The following SGCZ variants were observed in gnomAD, a reference collection of about 807,000 sequenced individuals.
SGCZ encodes sarcoglycan zeta.
In SGCZ, 40 loss-of-function variants were observed where a neutral mutation model predicts 41.3. The ratio of observed to expected loss-of-function variants is 0.97; its 90% CI spans 0.75 to 1.26. The LOEUF is 1.26. Ranked by LOEUF, SGCZ falls within the 50% of genes most tolerant of loss-of-function variation. The pLI is 0.00. For missense variants in SGCZ, 552 were observed against 369.8 expected (o/e 1.49, Z -4.04); for synonymous variants, 206 against 137.5 (o/e 1.50, Z -3.49).
intron 1 of SGCZ, among the ~76,000 whole-genome samples, chr8:14,819,866 C>T (rs942132604): frequency 9.2e-5 from 14 of 151,848 alleles, no homozygotes; most frequent in African/African-American, 3.4e-4. Flanking sequence ...AAAGCAGATA[C>T]ACAAATAATA....
chr8:14,297,748 T>C (rs1437770954), intron 3 of SGCZ, among the ~76,000 whole-genome samples: 1 of 152,016 alleles, frequency 6.6e-6, no homozygotes, highest in Non-Finnish European at 1.5e-5. Context: ...AACGGCTATA[T>C]CTGGGAAGAA....
At chr8:14,095,580 A>G (rs1289209564) in intron 7 of SGCZ, among the ~76,000 whole-genome samples, 2 of 152,184 alleles carry the variant, frequency 1.3e-5, no homozygotes, top group Non-Finnish European at 2.9e-5. Flanking sequence ...TGTCTTGGCT[A>G]TGCAGGCTCT....
At chr8:14,461,753 T>C (rs1244029136) in intron 2 of SGCZ, among the ~76,000 whole-genome samples, 2 of 152,106 alleles carry the variant, frequency 1.3e-5, no homozygotes, top group Admixed American at 1.3e-4. Flanking sequence ...AAAATTGCTT[T>C]TTAGGCCATT....
intron 5 of SGCZ, among the ~76,000 whole-genome samples, chr8:14,143,990 C>A (rs565912158): frequency 1.7e-4 from 26 of 152,242 alleles, no homozygotes; most frequent in Admixed American, 6.5e-4. Flanking sequence ...CCCAGTGACC[C>A]AAACTTCACC....
intron 2 of SGCZ, among the ~76,000 whole-genome samples, chr8:14,541,175 A>C (rs183035740): frequency 6.6e-6 from 1 of 152,078 alleles, no homozygotes; most frequent in African/African-American, 2.4e-5. Context: ...GGATACAGGT[A>C]CTGAATGTGT....
At chr8:15,233,084 A>G (rs995122434) in intron 1 of SGCZ, among the ~76,000 whole-genome samples, 1 of 151,928 alleles carries the variant, frequency 6.6e-6, no homozygotes, top group African/African-American at 2.4e-5. Flanking sequence ...GAAAGAAGTT[A>G]TGATTCCTTT....
At chr8:15,224,870 C>A (rs1031036353) in intron 1 of SGCZ, among the ~76,000 whole-genome samples, 2 of 152,122 alleles carry the variant, frequency 1.3e-5, no homozygotes, top group Non-Finnish European at 2.9e-5. Context: ...TGAAGAAAGT[C>A]ATCACCTATA....
At chr8:14,839,509 T>C (rs1802826679) in intron 1 of SGCZ, among the ~76,000 whole-genome samples, 1 of 152,218 alleles carries the variant, frequency 6.6e-6, no homozygotes, top group Non-Finnish European at 1.5e-5. Context: ...ATTGTTTTTA[T>C]GTAATTATAA....
intron 1 of SGCZ, among the ~76,000 whole-genome samples, chr8:15,060,066 G>A (rs867753233): frequency 3.3e-5 from 5 of 152,114 alleles, no homozygotes; most frequent in African/African-American, 4.8e-5. Flanking sequence ...ATGAGAAAAC[G>A]TCTCCCTTTG....
chr8:14,787,620 G>T (rs1800810964), intron 1 of SGCZ, among the ~76,000 whole-genome samples: 1 of 152,012 alleles, frequency 6.6e-6, no homozygotes, highest in Non-Finnish European at 1.5e-5. Flanking sequence ...ACCAAAGTGG[G>T]CGGATCACCT....
rs188202806 is a variant in SGCZ, at chr8:14,241,645, G to A, written c.337-3966C>T. Among the ~76,000 whole-genome samples the A allele has an allele frequency of 3.6e-3, 546 of 151,432 alleles. 6 individuals carry two copies. Among genetic ancestry groups the A allele is most frequent in the South Asian group, 0.019 (93 of 4,796 alleles). ...GAAATAAGGTATCTCATGGTTTTCC[G>A]AAGCTGACCCGAACTTGCCTCTAGC... On this transcript the variant is annotated intron_variant, in intron 3 of 7. Transcript: ENST00000382080.
In SGCZ at chr8:14,990,261, TA is replaced by T. The variant is rs371810066; in HGVS notation, c.39+247323del. On this transcript the variant is annotated intron_variant, in intron 1 of 7. Coordinates refer to ENST00000382080, the MANE Select transcript of SGCZ (RefSeq NM_139167.4). ...GTGTGATTTAGAGTAAGAGGCAACA[TA>T]AAAAAGAAAATACCCTGCATATACC... Among the ~76,000 whole-genome samples, 16 of 152,066 alleles carry T rather than the reference TA, an allele frequency of 1.1e-4. No individual in the cohort carries two copies. In the South Asian group the frequency reaches 3.3e-3, roughly 32 times the overall value.
intron 1 of SGCZ, among the ~76,000 whole-genome samples, chr8:14,976,983 G>A (rs1176970911): frequency 6.6e-6 from 1 of 152,192 alleles, no homozygotes; most frequent in Non-Finnish European, 1.5e-5. Context: ...CTTTCTTTGT[G>A]AGAGATACAT....
At chr8:14,300,270 G>A (rs1395747524) in intron 3 of SGCZ, among the ~76,000 whole-genome samples, 1 of 151,592 alleles carries the variant, frequency 6.6e-6, no homozygotes, top group African/African-American at 2.4e-5. Flanking sequence ...AAAAAAGAAG[G>A]AAGGAAGGCA....
chr8:14,244,295 C>G (rs1022507220), intron 3 of SGCZ, among the ~76,000 whole-genome samples: 1 of 151,544 alleles, frequency 6.6e-6, no homozygotes, highest in Non-Finnish European at 1.5e-5. Flanking sequence ...TTTTTCTTCC[C>G]CAGAGCAAGG....
intron 1 of SGCZ, among the ~76,000 whole-genome samples, chr8:14,756,334 C>A (rs1442059473): frequency 6.6e-6 from 1 of 151,940 alleles, no homozygotes; most frequent in Non-Finnish European, 1.5e-5. Context: ...TATAGGCATG[C>A]ACCACCATGC....
chr8:14,135,139 G>C (rs961088275), intron 5 of SGCZ, among the ~76,000 whole-genome samples: 1 of 151,918 alleles, frequency 6.6e-6, no homozygotes, highest in African/African-American at 2.4e-5. Flanking sequence ...ATTCCATTAC[G>C]CTTTCTACTG....
intron 1 of SGCZ, among the ~76,000 whole-genome samples, chr8:14,923,159 C>T (rs1399370100): frequency 3.3e-5 from 5 of 152,200 alleles, no homozygotes; most frequent in Non-Finnish European, 5.9e-5. Flanking sequence ...TGTCCAAAAA[C>T]TTCAGAGTAC....
At chr8:14,631,410 G>C (rs1333812348) in intron 1 of SGCZ, among the ~76,000 whole-genome samples, 1 of 152,014 alleles carries the variant, frequency 6.6e-6, no homozygotes, top group Non-Finnish European at 1.5e-5. Flanking sequence ...ATGTTGAGTG[G>C]TGCCATGTCG....
Sources: gnomAD v4.1 joint callset for allele counts (sites outside exome capture counted in the v4.1 genomes callset) on GRCh38, gnomAD v4.1.1 for gene constraint, MANE v1.5 for transcripts, NCBI Gene and HGNC (gene_info 2026-07-23, HGNC 2026-07-21) for gene names.